Variants in ERCC8 observed in about 807,000 individuals in gnomAD.
The protein encoded by ERCC8 is DNA excision repair protein ERCC-8.
In ERCC8, 52 loss-of-function variants were observed where a neutral mutation model predicts 54.9. The ratio of observed to expected loss-of-function variants is 0.95; its 90% CI spans 0.76 to 1.19. ERCC8 has a LOEUF of 1.19. Ranked by LOEUF, ERCC8 falls within the 50% of genes most tolerant of loss-of-function variation. ERCC8 has a pLI of 0.00. For synonymous variants in ERCC8, 146 were observed against 157.2 expected, an observed-to-expected ratio of 0.93 and a Z score of 0.53; for missense variants, 514 against 466.1, an observed-to-expected ratio of 1.10 and a Z score of -0.95.
At chr5:60,922,253 C>A (rs1230694543) in intron 2 of ERCC8, 98 bp from the exon 3 acceptor site, 3 of 752,624 alleles carry the variant, frequency 4.0e-6, no homozygotes, top group Admixed American at 3.9e-5. Context: ...TGCAAACACT[C>A]AAATGTATTA....
chr5:60,890,859 G>A, intron 10 of ERCC8, 30 bp downstream of exon 10: 10 of 1,544,000 alleles, frequency 6.5e-6, no homozygotes, highest in Non-Finnish European at 9.0e-6. Flanking sequence ...CTAGCTAGCT[G>A]AACATTTTAA....
In ERCC8 at chr5:60,872,941, A is replaced by G. The variant is rs1747894756; in HGVS notation, c.*1674T>C. 6.6e-6 allele frequency among the ~76,000 whole-genome samples: 1 copy of G among 152,240 alleles called. No individual in the cohort carries two copies. Among genetic ancestry groups the G allele is most frequent in the Non-Finnish European group, 1.5e-5 (1 of 68,036 alleles). On this transcript the variant is annotated 3_prime_UTR_variant, in exon 12 of 12. Coordinates refer to ENST00000676185, the MANE Select transcript of ERCC8 (RefSeq NM_000082.4). ...CATCTGTCAATGGTTGAATGGATAA[A>G]GAAAATGTAGTACATATACACAAAC...
chr5:60,872,114 T>C lies in ERCC8; in HGVS notation c.*2501A>G, dbSNP rs1187368954. Among the ~76,000 whole-genome samples, 1 of 152,140 alleles carries C rather than the reference T, an allele frequency of 6.6e-6. No homozygotes were observed. The highest frequency in any genetic ancestry group is 1.5e-5 in the Non-Finnish European group (1 of 68,024). ...CGGCCAATAGCTTTTTCAAACTAGC[T>C]TTTTCAAAGGTCAAATGCATCCTCA... On this transcript the variant is annotated 3_prime_UTR_variant, in exon 12 of 12. Coordinates refer to ENST00000676185, the MANE Select transcript of ERCC8 (RefSeq NM_000082.4).
In ERCC8 at chr5:60,898,405, A is replaced by C. The variant is rs201951290; in HGVS notation, c.719-5T>G. 2.5e-6 allele frequency: 4 copies of C among 1,613,384 alleles called. No individual in the cohort carries two copies. The East Asian group carries it at 6.7e-5, about 27-fold the overall frequency. On this transcript the variant is annotated splice_polypyrimidine_tract_variant and splice_region_variant and intron_variant, in intron 8 of 11. Transcript: ENST00000676185. ...TCCCATTATGAGCAGTGTTTGCTGC[A>C]ATGAAAAACATAGTTCAGTTTATCT...
chr5:60,878,340 G>A (rs1033958040), intron 11 of ERCC8, among the ~76,000 whole-genome samples: 1 of 151,948 alleles, frequency 6.6e-6, no homozygotes, highest in Non-Finnish European at 1.5e-5. Context: ...CTCTTTTTTT[G>A]TTGTGTCTCT....
Position 60,944,921 on chromosome 5 carries a change from GT to G in ERCC8, c.77+10del, listed in dbSNP as rs1394253614. 3 of 1,609,582 alleles carry G rather than the reference GT, an allele frequency of 1.9e-6. No individual in the cohort carries two copies. Among genetic ancestry groups the G allele is most frequent in the Non-Finnish European group, 2.6e-6 (3 of 1,175,904 alleles). On this transcript the variant is annotated intron_variant, in intron 1 of 11. Coordinates refer to ENST00000676185, the MANE Select transcript of ERCC8 (RefSeq NM_000082.4). Reference sequence around the variant, plus strand: ...ACTGGCCTGTTAGCCAAAAAGTAAGGTTTTCTTTACCTCCGTGTTGACTCTG... The same window carrying G: ...ACTGGCCTGTTAGCCAAAAAGTAAGGTTTCTTTACCTCCGTGTTGACTCTG...
rs1561519358 is a variant in ERCC8, at chr5:60,938,349, A to ATTTTT, written c.77+6582_77+6583insAAAAA. 4.6e-5 allele frequency among the ~76,000 whole-genome samples: 5 copies of ATTTTT among 108,754 alleles called. 1 individual carries two copies. The highest frequency in any genetic ancestry group is 4.2e-5 in the African/African-American group (1 of 23,908). 71.3% of individuals were successfully genotyped at this position (108,754 alleles called of 152,430 possible). On this transcript the variant is annotated intron_variant, in intron 1 of 11. Transcript: ENST00000676185. ...GGCCTGTAAGATAGCTACCTTTTTG[A>ATTTTT]ATTTTTTTTTTTTTTTTTTTTTTGA...
intron 11 of ERCC8, among the ~76,000 whole-genome samples, chr5:60,883,988 T>A (rs958223356): frequency 1.3e-5 from 2 of 152,208 alleles, no homozygotes; most frequent in Non-Finnish European, 2.9e-5. Context: ...ACTTTGGATA[T>A]CAGGAGAAAC....
chr5:60,939,560 T>C (rs1750195991), intron 1 of ERCC8, among the ~76,000 whole-genome samples: 1 of 151,986 alleles, frequency 6.6e-6, no homozygotes, highest in African/African-American at 2.4e-5. Context: ...GGTGGCACAG[T>C]CTCAGTTCAC....
At chr5:60,918,730 G>C in intron 3 of ERCC8, 1 of 314,900 alleles carries the variant, frequency 3.2e-6, no homozygotes, top group Non-Finnish European at 6.1e-6. Context: ...CAGCTGTTTT[G>C]GTTTTGGATT....
chr5:60,887,975 A>G (rs1484296947), intron 10 of ERCC8, among the ~76,000 whole-genome samples: 1 of 152,216 alleles, frequency 6.6e-6, no homozygotes, highest in Admixed American at 6.5e-5. Context: ...TCAACAGAAG[A>G]GCTTGAAGAT....
At position 60,922,055 on chromosome 5, in the gene ERCC8, T is replaced by C. The variant is rs1482102871; in HGVS notation, c.274A>G (p.Arg92Gly). 4 of 1,593,358 alleles carry C rather than the reference T, an allele frequency of 2.5e-6. No homozygotes were observed. The highest frequency in any genetic ancestry group is 1.7e-5 in the Admixed American group (1 of 59,348). ...YTCKAVCSIG[R>G]DHPDVHRYSV... ...AATTTTTACATTTTAAATACATACC[T>C]GCCAATGGAACACACTGCTTTACAT... The change falls in exon 3 of 12, where the codon AGA becomes GGA. Residue 92 changes from arginine (R) to glycine (G), a missense_variant and splice_region_variant. Coordinates refer to ENST00000676185, the MANE Select transcript of ERCC8 (RefSeq NM_000082.4).
chr5:60,889,620 A>G (rs1748489853), intron 10 of ERCC8, among the ~76,000 whole-genome samples: 1 of 152,210 alleles, frequency 6.6e-6, no homozygotes, highest in South Asian at 2.1e-4. Flanking sequence ...ATTTTAATCC[A>G]TTCTAGGCAC....
intron 11 of ERCC8, among the ~76,000 whole-genome samples, chr5:60,884,523 G>GTTTTT (rs71606648): frequency 1.1e-3 from 135 of 128,068 alleles, no homozygotes; most frequent in Non-Finnish European, 1.8e-3. Context: ...GTGTGTATGT[G>GTTTTT]TTTTTTTTTT....
intron 9 of ERCC8, among the ~76,000 whole-genome samples, chr5:60,895,951 A>G (rs1358933378): frequency 6.6e-6 from 1 of 152,116 alleles, no homozygotes; most frequent in East Asian, 1.9e-4. Context: ...CCTCCAATCC[A>G]TCCTACAACT....
rs777786785 is a variant in ERCC8 at position 60,918,331 on chromosome 5, G to A, written c.333C>T (p.Asp111=). Residue 111 remains aspartate, a synonymous_variant, in exon 4 of 12, where the codon GAC becomes GAT. Transcript: ENST00000676185. The part of the protein sequence containing the change: ...SVETVQWYPH[D]TGMFTSSSFD... Reference sequence around the variant, plus strand: ...ATGAGCTTGATGTGAACATGCCAGTGTCATGAGGATACCACTGTACAGTCT... The same window carrying A: ...ATGAGCTTGATGTGAACATGCCAGTATCATGAGGATACCACTGTACAGTCT... 1.3e-6 allele frequency: 2 copies of A among 1,597,098 alleles called. No homozygotes were observed. Among genetic ancestry groups the A allele is most frequent in the African/African-American group, 1.3e-5 (1 of 74,616 alleles).
intron 2 of ERCC8, 48 bp downstream of exon 2, chr5:60,928,816 G>T: frequency 9.6e-7 from 1 of 1,039,126 alleles, no homozygotes; most frequent in Non-Finnish European, 1.5e-6. Flanking sequence ...AGGTTTTACT[G>T]CATTTCACTT....
At position 60,870,477 on chromosome 5, in the gene ERCC8, T is replaced by A. The variant is rs1579975468; in HGVS notation, c.*4138A>T. On this transcript the variant is annotated 3_prime_UTR_variant, in exon 12 of 12. Transcript: ENST00000676185. ...CTGGCCAACATGGTGAAACCCCACC[T>A]CTGCTAAAAAAAAAAAAAAAAAAAA... Among the ~76,000 whole-genome samples, 1 of 71,322 alleles carries A rather than the reference T, an allele frequency of 1.4e-5. No homozygotes were observed. The highest frequency in any genetic ancestry group is 1.9e-4 in the Admixed American group (1 of 5,318). The allele number at this position is 71,322 out of a possible 152,430, so 46.8% of individuals were successfully genotyped here.
chr5:60,916,760 C>T (rs906168521), intron 4 of ERCC8, among the ~76,000 whole-genome samples: 1 of 151,878 alleles, frequency 6.6e-6, no homozygotes, highest in African/African-American at 2.4e-5. Flanking sequence ...TTTTGTTTTG[C>T]TCACTAGAAT....
Sources: allele counts gnomAD v4.1 joint callset (sites outside exome capture counted in the v4.1 genomes callset), GRCh38; gene constraint gnomAD v4.1.1; transcripts MANE v1.5; gene names NCBI Gene and HGNC (gene_info 2026-07-23, HGNC 2026-07-21).